Variants in CTNND2 observed in about 807,000 individuals in gnomAD.
CTNND2 encodes catenin delta 2, also known as catenin delta-2.
CTNND2 carries 22 observed loss-of-function variants against 144.4 expected under a neutral mutation model. That is an observed-to-expected ratio of 0.15 (90% CI 0.11 to 0.22). The LOEUF is 0.22. Ranked by LOEUF, CTNND2 falls within the 10% of genes least tolerant of loss-of-function variation. The probability of loss-of-function intolerance (pLI) is 1.00; values close to 1 mark genes in which losing one functional copy is unlikely to be tolerated. For synonymous variants in CTNND2, 751 were observed against 695.6 expected (o/e 1.08, Z -1.25); for missense variants, 1,353 against 1,618.8 (o/e 0.84, Z 2.82).
At chr5:11,111,115 A>G in intron 13 of CTNND2, 72 bp from the exon 14 acceptor site, 4 of 1,484,996 alleles carry the variant, frequency 2.7e-6, no homozygotes, top group Non-Finnish European at 3.7e-6. Context: ...TCCACCTGGA[A>G]AGGCCTCTTT....
chr5:11,574,828 G>GT (rs1274120611), intron 2 of CTNND2, among the ~76,000 whole-genome samples: 23 of 152,140 alleles, frequency 1.5e-4, no homozygotes, highest in Non-Finnish European at 7.4e-5. Flanking sequence ...TATTTAAAGG[G>GT]TGAAAGACAA....
intron 9 of CTNND2, among the ~76,000 whole-genome samples, chr5:11,316,443 AG>A (rs1459516146): frequency 6.7e-6 from 1 of 149,730 alleles, no homozygotes. Context: ...GGGCTCCGTG[AG>A]GTAGGTACTC....
At chr5:11,715,991 G>A (rs534786523) in intron 2 of CTNND2, among the ~76,000 whole-genome samples, 24 of 152,248 alleles carry the variant, frequency 1.6e-4, no homozygotes, top group Admixed American at 8.5e-4. Context: ...AGCAGACTTC[G>A]TTCAATACAT....
rs75673585 is a variant in CTNND2, at chr5:11,891,716, T to C, written c.37+12101A>G. Among the ~76,000 whole-genome samples the C allele has an allele frequency of 7.5e-3, 1,148 of 152,308 alleles. 9 individuals carry two copies. The highest frequency in any genetic ancestry group is 0.026 in the African/African-American group (1,092 of 41,574). On this transcript the variant is annotated intron_variant, in intron 1 of 21. Coordinates refer to ENST00000304623, the MANE Select transcript of CTNND2 (RefSeq NM_001332.4). Reference sequence around the variant, plus strand: ...ATCAAATCTGCCAGCATCTTCATTTTAGACATTCCAGCCTCTAAAACTGTG... The same window carrying C: ...ATCAAATCTGCCAGCATCTTCATTTCAGACATTCCAGCCTCTAAAACTGTG...
chr5:11,439,188 C>T (rs1180103555), intron 3 of CTNND2, among the ~76,000 whole-genome samples: 1 of 152,120 alleles, frequency 6.6e-6, no homozygotes, highest in African/African-American at 2.4e-5. Context: ...CCAACCAACA[C>T]CACGTTTTCA....
chr5:11,202,103 C>A (rs1171564039), intron 10 of CTNND2, among the ~76,000 whole-genome samples: 1 of 152,064 alleles, frequency 6.6e-6, no homozygotes, highest in Non-Finnish European at 1.5e-5. Context: ...ATAATAAATC[C>A]ATTCTTGCAG....
rs531947002 is a variant in CTNND2 at position 11,311,510 on chromosome 5, C to A, written c.1628+34862G>T. ...TATGCTCTCACACTCTCTCCATGCA[C>A]CCTCATCCCACACATACACTCACAC... On this transcript the variant is annotated intron_variant, in intron 9 of 21. Transcript: ENST00000304623. Among the ~76,000 whole-genome samples the A allele has an allele frequency of 5.2e-4, 78 of 149,214 alleles. 1 individual carries two copies. The highest frequency in any genetic ancestry group is 1.8e-3 in the African/African-American group (72 of 40,436).
intron 1 of CTNND2, among the ~76,000 whole-genome samples, chr5:11,868,117 A>T (rs1470818686): frequency 6.6e-6 from 1 of 151,948 alleles, no homozygotes; most frequent in African/African-American, 2.4e-5. Context: ...ACCTGCAGGC[A>T]CAGCTAGAGC....
At chr5:11,116,647 T>C (rs1446987917) in intron 13 of CTNND2, among the ~76,000 whole-genome samples, 1 of 152,260 alleles carries the variant, frequency 6.6e-6, no homozygotes, top group Non-Finnish European at 1.5e-5. Context: ...TTTATTTTGT[T>C]GGGAAGCCCC....
Position 11,022,950 on chromosome 5 carries a change from T to A in CTNND2, c.2818A>T (p.Arg940Trp). The change falls in exon 17 of 22, where the codon AGG (arginine) becomes TGG (tryptophan). Residue 940 changes from arginine to tryptophan, a missense_variant. Physicochemically the swap from Arg to Trp is moderately radical, Grantham distance 101 (BLOSUM62 -3). Transcript: ENST00000304623. ...GKYAMRDLVH[R>W]LPGGNNSNNT... ...TTGCTGTTGTTCCCTCCTGGAAGCCTGTGGACTAGGTCTCGCATGGCGTAT... is the reference window on the plus strand; with the variant it reads ...TTGCTGTTGTTCCCTCCTGGAAGCCAGTGGACTAGGTCTCGCATGGCGTAT... 1 of 1,614,214 alleles carries A rather than the reference T, an allele frequency of 6.2e-7. No homozygotes were observed. The highest frequency in any genetic ancestry group is 8.5e-7 in the Non-Finnish European group (1 of 1,180,024).
rs968293722 is a variant in CTNND2 at position 11,379,387 on chromosome 5, G to A, written c.1177+5278C>T. On this transcript the variant is annotated intron_variant, in intron 7 of 21. Coordinates refer to ENST00000304623, the MANE Select transcript of CTNND2 (RefSeq NM_001332.4). ...ACAGAGATTCTGGGGTCAAAGCGAC[G>A]TAGGTTCAAATCACATCCCTGTCAT... is the stretch of plus-strand genomic sequence containing the variant. Among the ~76,000 whole-genome samples, 9 of 152,260 alleles carry A rather than the reference G, an allele frequency of 5.9e-5. No individual in the cohort carries two copies. In the East Asian group the frequency reaches 9.6e-4, roughly 16 times the overall value.
intron 12 of CTNND2, among the ~76,000 whole-genome samples, chr5:11,151,051 T>G (rs1232404447): frequency 6.6e-6 from 1 of 152,236 alleles, no homozygotes; most frequent in African/African-American, 2.4e-5. Context: ...TGGCCCCACG[T>G]GGACTCTGCT....
At chr5:11,052,772 C>T (rs1745969413) in intron 16 of CTNND2, among the ~76,000 whole-genome samples, 1 of 152,032 alleles carries the variant, frequency 6.6e-6, no homozygotes, top group Non-Finnish European at 1.5e-5. Context: ...CCATGGAGGA[C>T]CACTTTTTCA....
chr5:11,230,166 A>G (rs1740842731), intron 10 of CTNND2, among the ~76,000 whole-genome samples: 1 of 134,122 alleles, frequency 7.5e-6, no homozygotes, highest in African/African-American at 2.8e-5. Flanking sequence ...GAATTGAACA[A>G]TGAGATCACA....
intron 1 of CTNND2, among the ~76,000 whole-genome samples, chr5:11,849,365 A>G (rs866501242): frequency 2.0e-5 from 3 of 152,212 alleles, no homozygotes; most frequent in Admixed American, 6.5e-5. Context: ...GGGTAGGGAC[A>G]CAGCCATATC....
At chr5:11,028,710 C>G (rs1321821163) in intron 16 of CTNND2, among the ~76,000 whole-genome samples, 1 of 152,094 alleles carries the variant, frequency 6.6e-6, no homozygotes, top group African/African-American at 2.4e-5. Context: ...AATGTACACT[C>G]TTTTTTTCTT....
chr5:11,793,801 C>CT (rs1791260305), intron 1 of CTNND2, among the ~76,000 whole-genome samples: 1 of 152,228 alleles, frequency 6.6e-6, no homozygotes, highest in African/African-American at 2.4e-5. Flanking sequence ...ATAGAGTGAT[C>CT]AGTCTATCAA....
chr5:11,256,003 T>C (rs181889), intron 9 of CTNND2, among the ~76,000 whole-genome samples: 62,168 of 152,044 alleles, frequency 0.41, 13,110 homozygotes, highest in African/African-American at 0.48. Context: ...CGGGACTTTG[T>C]TCCAGAACAG....
chr5:11,744,789 C>T (rs1402925555), intron 1 of CTNND2, among the ~76,000 whole-genome samples: 1 of 151,854 alleles, frequency 6.6e-6, no homozygotes, highest in African/African-American at 2.4e-5. Flanking sequence ...CTTTGTTGCC[C>T]AGGCTGGAGT....
Sources: allele counts gnomAD v4.1 joint callset (sites outside exome capture counted in the v4.1 genomes callset), GRCh38; gene constraint gnomAD v4.1.1; transcripts MANE v1.5; gene names NCBI Gene and HGNC (gene_info 2026-07-23, HGNC 2026-07-21).